Variants in CSMD1 observed in about 807,000 individuals in gnomAD.
CSMD1 encodes the protein CUB and sushi domain-containing protein 1.
Under a neutral mutation model 417.5 loss-of-function variants are expected in CSMD1, and 213 were observed. The ratio of observed to expected loss-of-function variants is 0.51; its 90% CI spans 0.46 to 0.57. CSMD1 has a LOEUF of 0.57. Ranked by LOEUF, CSMD1 falls within the 20% of genes least tolerant of loss-of-function variation. The pLI is 0.00. For missense variants in CSMD1, 6,923 were observed against 4,529.7 expected, an observed-to-expected ratio of 1.53 and a Z score of -15.17; for synonymous variants, 2,862 against 1,736.8, an observed-to-expected ratio of 1.65 and a Z score of -16.11.
rs368542980 is a variant in CSMD1 at position 4,443,130 on chromosome 8, T to TA, written c.303-23066dup. On this transcript the variant is annotated intron_variant, in intron 2 of 69. Transcript: ENST00000635120. Reference sequence around the variant, plus strand: ...AAGGGCTGTAAAAAGTGGTAGCTGGTATAGCAACAGTATCTTATTCCTCCT... The same window carrying TA: ...AAGGGCTGTAAAAAGTGGTAGCTGGTAATAGCAACAGTATCTTATTCCTCCT... Among the ~76,000 whole-genome samples the TA allele has an allele frequency of 4.1e-3, 622 of 152,322 alleles. 1 individual carries two copies. Among genetic ancestry groups the TA allele is most frequent in the African/African-American group, 0.015 (607 of 41,584 alleles).
At chr8:4,980,971 C>T (rs991912032) in intron 1 of CSMD1, among the ~76,000 whole-genome samples, 2 of 151,980 alleles carry the variant, frequency 1.3e-5, no homozygotes, top group African/African-American at 2.4e-5. Context: ...GCAACTTGTC[C>T]TTTTCTTCAA....
Position 3,018,505 on chromosome 8 carries a change from G to T in CSMD1, c.8001C>A (p.Leu2667=), listed in dbSNP as rs1304333682. The change falls in exon 52 of 70, where the codon CTC becomes CTA. Residue 2667 remains leucine (L), a synonymous_variant. Coordinates refer to ENST00000635120, the MANE Select transcript of CSMD1 (RefSeq NM_033225.6). ...GACATCGAGTTTCGCTGCCGCTCCA[G>T]AGCCCATTTGCCAAGCACTCTCTGA... ...SHVRECLANG[L]WSGSETRCLA... is the part of the protein sequence containing the mutation. The T allele has an allele frequency of 1.2e-6, 2 of 1,613,538 alleles. No individual in the cohort carries two copies. Among genetic ancestry groups the T allele is most frequent in the Admixed American group, 3.3e-5 (2 of 59,980 alleles).
chr8:4,605,764 G>A (rs1358855142), intron 2 of CSMD1, among the ~76,000 whole-genome samples: 10 of 152,072 alleles, frequency 6.6e-5, no homozygotes, highest in South Asian at 6.2e-4. Flanking sequence ...ATCAATTTAC[G>A]CTGCCATTGC....
chr8:4,621,339 T>A (rs369698635), intron 2 of CSMD1, among the ~76,000 whole-genome samples: 1 of 152,134 alleles, frequency 6.6e-6, no homozygotes, highest in Non-Finnish European at 1.5e-5. Context: ...TTTCCACTTA[T>A]GATGTCATGT....
chr8:4,309,306 T>C (rs896249293), intron 3 of CSMD1, among the ~76,000 whole-genome samples: 3 of 152,144 alleles, frequency 2.0e-5, no homozygotes, highest in Non-Finnish European at 4.4e-5. Flanking sequence ...GCACTGTCTA[T>C]TTAGCATGTT....
chr8:4,411,153 C>G (rs1796632475), intron 3 of CSMD1, among the ~76,000 whole-genome samples: 1 of 152,078 alleles, frequency 6.6e-6, no homozygotes, highest in Non-Finnish European at 1.5e-5. Flanking sequence ...CATCTCTTTC[C>G]TTTATAAATT....
At chr8:3,989,284 A>G (rs190437333) in intron 5 of CSMD1, among the ~76,000 whole-genome samples, 54 of 152,318 alleles carry the variant, frequency 3.5e-4, no homozygotes, top group Admixed American at 1.2e-3. Context: ...CAGAAGTCAT[A>G]AAACCAAGAC....
chr8:3,628,523 G>A (rs1011842401), intron 7 of CSMD1, among the ~76,000 whole-genome samples: 10 of 152,174 alleles, frequency 6.6e-5, no homozygotes, highest in Admixed American at 1.3e-4. Flanking sequence ...GTAATATGAA[G>A]CCCTTAGTGA....
intron 2 of CSMD1, among the ~76,000 whole-genome samples, chr8:4,613,362 C>T (rs1801292389): frequency 6.6e-6 from 1 of 152,188 alleles, no homozygotes. Context: ...CTCACCTCCA[C>T]ACTGGCACAC....
chr8:4,112,037 A>G (rs1480169526), intron 3 of CSMD1, among the ~76,000 whole-genome samples: 1 of 151,558 alleles, frequency 6.6e-6, no homozygotes, highest in African/African-American at 2.4e-5. Context: ...ATAAAAATCT[A>G]CTTTATGTTA....
intron 2 of CSMD1, among the ~76,000 whole-genome samples, chr8:4,635,456 A>G (rs1802766130): frequency 6.6e-6 from 1 of 152,190 alleles, no homozygotes; most frequent in Non-Finnish European, 1.5e-5. Flanking sequence ...CATACCTGTC[A>G]GTCAAATTAA....
intron 2 of CSMD1, among the ~76,000 whole-genome samples, chr8:4,496,838 T>A (rs2130253239): frequency 6.6e-6 from 1 of 152,144 alleles, no homozygotes; most frequent in Non-Finnish European, 1.5e-5. Flanking sequence ...TTTAGAAAAA[T>A]GAGTTCACAG....
chr8:3,455,955 C>T (rs1328482400), intron 12 of CSMD1, among the ~76,000 whole-genome samples: 1 of 152,172 alleles, frequency 6.6e-6, no homozygotes, highest in Non-Finnish European at 1.5e-5. Flanking sequence ...GAGGTGGGCT[C>T]CACCCAGTTC....
intron 4 of CSMD1, among the ~76,000 whole-genome samples, chr8:4,004,622 A>C (rs987000523): frequency 6.6e-6 from 1 of 152,130 alleles, no homozygotes; most frequent in African/African-American, 2.4e-5. Context: ...TTACTATTCT[A>C]CAATATATTT....
chr8:3,062,623 T>C (rs1812661419), intron 49 of CSMD1, among the ~76,000 whole-genome samples: 2 of 150,350 alleles, frequency 1.3e-5, no homozygotes, highest in South Asian at 2.1e-4. Flanking sequence ...GCGAGAAGTA[T>C]CTTTAGATGT....
At chr8:3,078,180 G>A (rs1410393688) in intron 49 of CSMD1, among the ~76,000 whole-genome samples, 1 of 152,088 alleles carries the variant, frequency 6.6e-6, no homozygotes, top group African/African-American at 2.4e-5. Context: ...TTATTACTTT[G>A]CATATTTTGT....
At chr8:4,069,417 A>G (rs926297819) in intron 3 of CSMD1, among the ~76,000 whole-genome samples, 2 of 152,172 alleles carry the variant, frequency 1.3e-5, no homozygotes, top group Admixed American at 6.5e-5. Flanking sequence ...GTTTTCCATG[A>G]GCATCTATGA....
chr8:4,308,192 G>T (rs11136725), intron 3 of CSMD1, among the ~76,000 whole-genome samples: 1 of 152,028 alleles, frequency 6.6e-6, no homozygotes, highest in South Asian at 2.1e-4. Flanking sequence ...GAGTTAGGAG[G>T]TGAAGTCACT....
At chr8:4,763,889 C>T (rs570540090) in intron 1 of CSMD1, among the ~76,000 whole-genome samples, 4 of 152,308 alleles carry the variant, frequency 2.6e-5, no homozygotes, top group Non-Finnish European at 4.4e-5. Context: ...GATTAAGCCA[C>T]GACTACATAA....
Sources: gnomAD v4.1 joint callset for allele counts (sites outside exome capture counted in the v4.1 genomes callset) on GRCh38, gnomAD v4.1.1 for gene constraint, MANE v1.5 for transcripts, NCBI Gene and HGNC (gene_info 2026-07-23, HGNC 2026-07-21) for gene names.